Variants in PCSK5 observed in about 807,000 individuals in gnomAD.
PCSK5 encodes the protein proprotein convertase subtilisin/kexin type 5, also known as prohormone convertase 5.
Under a neutral mutation model 233.2 loss-of-function variants are expected in PCSK5, and 129 were observed. The observed-to-expected ratio is 0.55, with a 90% CI of 0.48 to 0.64. PCSK5 has a LOEUF of 0.64. Among genes scored for constraint, PCSK5 ranks in the 30% least tolerant of loss-of-function variants. The pLI, the probability that PCSK5 is intolerant of heterozygous loss-of-function variation, is 0.00. For missense variants in PCSK5, 2,076 were observed against 2,430.1 expected, an observed-to-expected ratio of 0.85 and a Z score of 3.06; for synonymous variants, 825 against 879.2, an observed-to-expected ratio of 0.94 and a Z score of 1.09.
chr9:76,300,637 G>A (rs553872971), intron 27 of PCSK5, among the ~76,000 whole-genome samples: 55 of 152,210 alleles, frequency 3.6e-4, no homozygotes, highest in Non-Finnish European at 6.3e-4. Context: ...CAAATTTATT[G>A]CTGAAAAATT....
chr9:76,213,033 ATCC>A (rs1825388622), intron 20 of PCSK5, among the ~76,000 whole-genome samples: 1 of 152,134 alleles, frequency 6.6e-6, no homozygotes, highest in Non-Finnish European at 1.5e-5. Flanking sequence ...CTATCATTTG[ATCC>A]TCCAAGTGGA....
intron 2 of PCSK5, among the ~76,000 whole-genome samples, chr9:75,952,525 A>C (rs903935605): frequency 2.0e-5 from 3 of 152,174 alleles, no homozygotes; most frequent in African/African-American, 7.2e-5. Context: ...ATTTTGACAA[A>C]TGTATATAGT....
intron 1 of PCSK5, among the ~76,000 whole-genome samples, chr9:75,918,160 T>C (rs1280451212): frequency 1.3e-5 from 2 of 152,224 alleles, no homozygotes; most frequent in African/African-American, 2.4e-5. Flanking sequence ...TAAACATAGA[T>C]TGGGCCCTTA....
chr9:76,238,916 T>G, intron 22 of PCSK5, 43 bp from the exon 23 acceptor site: 1 of 1,396,072 alleles, frequency 7.2e-7, no homozygotes, highest in Non-Finnish European at 1.0e-6. Context: ...CATGGCTAAC[T>G]TTGTACATTT....
chr9:76,193,157 A>G (rs928940827), intron 20 of PCSK5: 2 of 1,307,606 alleles, frequency 1.5e-6, no homozygotes, highest in African/African-American at 1.5e-5. Flanking sequence ...TCTCTGGCCA[A>G]TCACAACCTT....
intron 12 of PCSK5, among the ~76,000 whole-genome samples, chr9:76,166,463 G>A (rs960654559): frequency 1.1e-4 from 16 of 152,180 alleles, no homozygotes; most frequent in Admixed American, 3.9e-4. Flanking sequence ...AGGTGGACAG[G>A]AAAGGGTGGA....
intron 24 of PCSK5, among the ~76,000 whole-genome samples, chr9:76,257,633 C>T (rs1051856353): frequency 2.0e-5 from 3 of 152,128 alleles, no homozygotes; most frequent in South Asian, 2.1e-4. Flanking sequence ...CAGCCGGGGC[C>T]GTCAGAAGCA....
At chr9:76,227,478 T>C in intron 20 of PCSK5, 25 bp from the exon 21 acceptor site, 1 of 1,536,632 alleles carries the variant, frequency 6.5e-7, no homozygotes, top group South Asian at 1.1e-5. Context: ...AGAAATGAAA[T>C]AAACAACTAG....
intron 7 of PCSK5, among the ~76,000 whole-genome samples, chr9:76,074,598 A>G: frequency 6.6e-6 from 1 of 152,208 alleles, no homozygotes; most frequent in East Asian, 1.9e-4. Flanking sequence ...AGGTTAGGCT[A>G]GGATTGAGTC....
chr9:76,139,490 T>C (rs1278849534), intron 10 of PCSK5, among the ~76,000 whole-genome samples: 1 of 152,048 alleles, frequency 6.6e-6, no homozygotes, highest in African/African-American at 2.4e-5. Flanking sequence ...CTGGTCAGTG[T>C]CTGAGGTGGT....
rs564165084 is a variant in PCSK5 at position 76,275,273 on chromosome 9, T to C, written c.3143-16960T>C. On this transcript the variant is annotated intron_variant, in intron 24 of 37. Coordinates refer to ENST00000674117, the MANE Select transcript of PCSK5 (RefSeq NM_001372043.1). ...TGAAAAGTTTATTTTTCATCCATCC[T>C]TCACTAAGACTGCAATCCATGTGTT... Among the ~76,000 whole-genome samples, 3 of 152,314 alleles carry C rather than the reference T, an allele frequency of 2.0e-5. No individual in the cohort carries two copies. In the South Asian group the frequency reaches 6.2e-4, roughly 32 times the overall value.
chr9:76,236,588 C>A (rs1826259399), intron 22 of PCSK5, among the ~76,000 whole-genome samples: 2 of 152,286 alleles, frequency 1.3e-5, no homozygotes, highest in Admixed American at 1.3e-4. Flanking sequence ...AATTTCTGAG[C>A]TATCCAAATT....
chr9:76,270,883 C>G (rs962663446), intron 24 of PCSK5, among the ~76,000 whole-genome samples: 1 of 152,116 alleles, frequency 6.6e-6, no homozygotes, highest in African/African-American at 2.4e-5. Flanking sequence ...GAGAAGTTCC[C>G]AAACCTGCAC....
chr9:75,891,360 T>G lies in PCSK5; in HGVS notation c.179T>G (p.Ile60Ser). Reference protein sequence around the residue: ...ANRIASKYGFINIGQIGALKD... With the variant: ...ANRIASKYGFSNIGQIGALKD... ...CGTATCGCCAGCAAGTACGGATTCA[T>G]CAACATAGGACAGGTAACGAACTAC... The change falls in exon 1 of 38, where the codon ATC becomes AGC. Residue 60 changes from isoleucine to serine, a missense_variant. This residue lies in a region of PCSK5 where 190 missense variants were observed against 216.3 expected (regional missense o/e 0.88). Transcript: ENST00000674117. 6.4e-7 allele frequency: 1 copy of G among 1,561,804 alleles called. No homozygotes were observed. The highest frequency in any genetic ancestry group is 8.6e-7 in the Non-Finnish European group (1 of 1,157,702).
chr9:76,239,214 G>T lies in PCSK5; in HGVS notation c.3073+49G>T. On this transcript the variant is annotated intron_variant, in intron 23 of 37. Coordinates refer to ENST00000674117, the MANE Select transcript of PCSK5 (RefSeq NM_001372043.1). ...CCCAGCACCCGAACATGGGAGGAGGGGCTGCACCCTGGATGTCCTGGAGAC... is the reference window on the plus strand; with the variant it reads ...CCCAGCACCCGAACATGGGAGGAGGTGCTGCACCCTGGATGTCCTGGAGAC... The T allele has an allele frequency of 2.1e-6, 3 of 1,446,714 alleles. No individual in the cohort carries two copies. The East Asian group carries it at 7.4e-5, about 36-fold the overall frequency. The allele number at this position is 1,446,714 out of a possible 1,614,324, so 89.6% of individuals were successfully genotyped here.
chr9:76,088,192 AG>A (rs1471428284), intron 7 of PCSK5, among the ~76,000 whole-genome samples: 3 of 152,210 alleles, frequency 2.0e-5, no homozygotes, highest in Non-Finnish European at 4.4e-5. Context: ...GACCAGTAGC[AG>A]GGCCAGGAAC....
chr9:76,290,970 T>G (rs1046988681), intron 24 of PCSK5, among the ~76,000 whole-genome samples: 5 of 152,226 alleles, frequency 3.3e-5, no homozygotes, highest in Admixed American at 1.3e-4. Flanking sequence ...TAGGTGACAT[T>G]TGTGCAAGTT....
intron 20 of PCSK5, among the ~76,000 whole-genome samples, chr9:76,191,815 A>G (rs766799578): frequency 6.6e-6 from 1 of 152,096 alleles, no homozygotes; most frequent in Non-Finnish European, 1.5e-5. Context: ...TGGCTCCCCT[A>G]TTTCTGAATA....
At chr9:76,098,553 G>A (rs934873597) in intron 8 of PCSK5, among the ~76,000 whole-genome samples, 2 of 152,180 alleles carry the variant, frequency 1.3e-5, no homozygotes, top group Non-Finnish European at 2.9e-5. Context: ...ATGAAAACTC[G>A]AATAAGAGTT....
Sources: allele counts gnomAD v4.1 joint callset (sites outside exome capture counted in the v4.1 genomes callset), GRCh38; gene constraint gnomAD v4.1.1; regional missense constraint gnomAD v4.1.1; transcripts MANE v1.5; gene names NCBI Gene and HGNC (gene_info 2026-07-23, HGNC 2026-07-21).